The following FHIT variants were observed in gnomAD, a reference collection of about 807,000 sequenced individuals.
FHIT encodes the protein bis(5'-adenosyl)-triphosphatase.
Under a neutral mutation model 17.9 loss-of-function variants are expected in FHIT, and 19 were observed. The ratio of observed to expected loss-of-function variants is 1.06; its 90% CI spans 0.74 to 1.56. The LOEUF (loss-of-function observed/expected upper bound fraction) is 1.56, where lower values mean the gene tolerates loss of function less well. FHIT is among the 40% of genes most tolerant of loss of function. The probability of loss-of-function intolerance (pLI) is 0.00; values close to 1 mark genes in which losing one functional copy is unlikely to be tolerated. For missense variants in FHIT, 248 were observed against 189.2 expected (o/e 1.31, Z -1.82); for synonymous variants, 81 against 69.7 (o/e 1.16, Z -0.81).
chr3:60,575,489 A>T (rs540325007), intron 4 of FHIT, among the ~76,000 whole-genome samples: 1 of 152,178 alleles, frequency 6.6e-6, no homozygotes, highest in African/African-American at 2.4e-5. Context: ...GACCCAATGG[A>T]AACTGTAGAA....
intron 5 of FHIT, among the ~76,000 whole-genome samples, chr3:60,046,348 A>C (rs1701652745): frequency 6.6e-6 from 1 of 152,244 alleles, no homozygotes; most frequent in Non-Finnish European, 1.5e-5. Context: ...TTCAGGAAGC[A>C]CGGTCAACCA....
At chr3:60,549,133 G>A (rs2036463956) in intron 4 of FHIT, among the ~76,000 whole-genome samples, 1 of 152,082 alleles carries the variant, frequency 6.6e-6, no homozygotes, top group South Asian at 2.1e-4. Flanking sequence ...ATTGTTAATT[G>A]TCAACTCATA....
intron 3 of FHIT, among the ~76,000 whole-genome samples, chr3:60,977,006 C>T (rs1710283817): frequency 6.6e-6 from 1 of 152,036 alleles, no homozygotes; most frequent in Non-Finnish European, 1.5e-5. Context: ...AGAAATCGGA[C>T]TTGTTTTTCA....
chr3:60,763,027 AACTG>A (rs1553720447), intron 4 of FHIT, among the ~76,000 whole-genome samples: 1 of 152,124 alleles, frequency 6.6e-6, no homozygotes, highest in Non-Finnish European at 1.5e-5. Flanking sequence ...TGTTCACTGA[AACTG>A]AATGCAATTC....
intron 5 of FHIT, among the ~76,000 whole-genome samples, chr3:60,136,935 G>C (rs1039623385): frequency 6.6e-6 from 1 of 152,074 alleles, no homozygotes; most frequent in Admixed American, 6.5e-5. Flanking sequence ...CTGATAAGAG[G>C]TACAATATCT....
At chr3:59,888,795 C>T (rs1703731761) in intron 8 of FHIT, among the ~76,000 whole-genome samples, 1 of 152,112 alleles carries the variant, frequency 6.6e-6, no homozygotes, top group Non-Finnish European at 1.5e-5. Context: ...TAACAGAATA[C>T]CTGAGACTGG....
intron 2 of FHIT, among the ~76,000 whole-genome samples, chr3:61,137,914 C>T (rs903300046): frequency 6.6e-6 from 1 of 152,190 alleles, no homozygotes. Flanking sequence ...TGTTGTATTC[C>T]TCTCTCTTTC....
chr3:60,509,453 A>T (rs2034860281), intron 5 of FHIT, among the ~76,000 whole-genome samples: 1 of 152,234 alleles, frequency 6.6e-6, no homozygotes, highest in Non-Finnish European at 1.5e-5. Flanking sequence ...ATGAATTAGG[A>T]TTCACATCTC....
rs1245603640 is a variant in FHIT, at chr3:60,714,916, C to T, written c.-18+107003G>A. ...ATCAAGCTACCAATGTCTTTCTTCA[C>T]GGAATTGGAAAAAACTACTTTAAAG... On this transcript the variant is annotated intron_variant, in intron 4 of 9. Coordinates refer to ENST00000492590, the MANE Select transcript of FHIT (RefSeq NM_002012.4). 4.6e-5 allele frequency among the ~76,000 whole-genome samples: 7 copies of T among 152,212 alleles called. No homozygotes were observed. The South Asian group carries it at 6.2e-4, about 14-fold the overall frequency.
chr3:60,912,321 T>C (rs1706788444), intron 3 of FHIT, among the ~76,000 whole-genome samples: 1 of 152,104 alleles, frequency 6.6e-6, no homozygotes, highest in Non-Finnish European at 1.5e-5. Context: ...AATCCGATCA[T>C]ACCGGGAAAT....
At chr3:60,605,367 G>A (rs2038577060) in intron 4 of FHIT, among the ~76,000 whole-genome samples, 1 of 152,162 alleles carries the variant, frequency 6.6e-6, no homozygotes, top group Admixed American at 6.5e-5. Flanking sequence ...CATCAATAGA[G>A]TAAAATGCTT....
rs866871758 is a variant in FHIT at position 60,370,073 on chromosome 3, C to T, written c.103+166787G>A. 3.3e-5 allele frequency among the ~76,000 whole-genome samples: 5 copies of T among 152,134 alleles called. No individual in the cohort carries two copies. In the East Asian group the frequency reaches 5.8e-4, roughly 18 times the overall value. ...GAGTACATGATTCGCTGCCTATGTCCGAGAGCTTTGAATCTCAATTCCTCA... is the reference window on the plus strand; with the variant it reads ...GAGTACATGATTCGCTGCCTATGTCTGAGAGCTTTGAATCTCAATTCCTCA... On this transcript the variant is annotated intron_variant, in intron 5 of 9. Coordinates refer to ENST00000492590, the MANE Select transcript of FHIT (RefSeq NM_002012.4).
chr3:60,698,605 T>G (rs1406400603), intron 4 of FHIT, among the ~76,000 whole-genome samples: 1 of 152,146 alleles, frequency 6.6e-6, no homozygotes, highest in Non-Finnish European at 1.5e-5. Context: ...AAAACAAACC[T>G]TCCAACAGGT....
intron 7 of FHIT, among the ~76,000 whole-genome samples, chr3:59,978,303 TGA>T (rs1207387369): frequency 3.3e-5 from 5 of 152,114 alleles, no homozygotes; most frequent in African/African-American, 9.7e-5. Flanking sequence ...AAAGCCGTGC[TGA>T]GAGGGCCACC....
At chr3:60,084,233 T>C (rs1049729927) in intron 5 of FHIT, among the ~76,000 whole-genome samples, 3 of 152,172 alleles carry the variant, frequency 2.0e-5, no homozygotes, top group African/African-American at 7.2e-5. Flanking sequence ...CATTCTTTTG[T>C]AGTCTTTGAA....
At chr3:60,339,438 G>A (rs886362036) in intron 5 of FHIT, among the ~76,000 whole-genome samples, 1 of 152,082 alleles carries the variant, frequency 6.6e-6, no homozygotes, top group African/African-American at 2.4e-5. Context: ...TAACTTACCA[G>A]GCAGCAGTAA....
intron 5 of FHIT, among the ~76,000 whole-genome samples, chr3:60,134,526 T>C (rs1489084998): frequency 6.6e-6 from 1 of 152,216 alleles, no homozygotes; most frequent in Non-Finnish European, 1.5e-5. Context: ...AGGTCATAGA[T>C]TGTGAATGAC....
At chr3:59,786,090 T>C (rs1006842109) in intron 8 of FHIT, among the ~76,000 whole-genome samples, 1 of 151,924 alleles carries the variant, frequency 6.6e-6, no homozygotes, top group African/African-American at 2.4e-5. Context: ...ATGGGTGAAA[T>C]GGGGGTAAGG....
At chr3:60,861,123 G>GA (rs1553752156) in intron 3 of FHIT, among the ~76,000 whole-genome samples, 1 of 60,974 alleles carries the variant, frequency 1.6e-5, no homozygotes, top group African/African-American at 6.4e-5. Flanking sequence ...TCCTATATGT[G>GA]TATATATGAT....
Sources: allele counts gnomAD v4.1 joint callset (sites outside exome capture counted in the v4.1 genomes callset), GRCh38; gene constraint gnomAD v4.1.1; transcripts MANE v1.5; gene names NCBI Gene and HGNC (gene_info 2026-07-23, HGNC 2026-07-21).